SLC20A2: variants seen among roughly 807,000 people sequenced by gnomAD.
SLC20A2 encodes the protein sodium-dependent phosphate transporter 2.
Under a neutral mutation model 61.0 loss-of-function variants are expected in SLC20A2, and 30 were observed. The observed-to-expected ratio is 0.49, with a 90% confidence interval of 0.37 to 0.67. The LOEUF (loss-of-function observed/expected upper bound fraction) is 0.67, where lower values mean the gene tolerates loss of function less well. Among genes scored for constraint, SLC20A2 ranks in the 30% least tolerant of loss-of-function variants. The probability of loss-of-function intolerance (pLI) is 0.00; values close to 1 mark genes in which losing one functional copy is unlikely to be tolerated. For missense variants in SLC20A2, 626 were observed against 866.4 expected (o/e 0.72, Z 3.48); for synonymous variants, 351 against 353.3 (o/e 0.99, Z 0.07).
chr8:42,535,235 T>C (rs1812627927), intron 1 of SLC20A2: 1 of 152,186 alleles, frequency 6.6e-6, no homozygotes, highest in Non-Finnish European at 1.5e-5. Context: ...TTTAGGAGGC[T>C]TCCTGTGGGA....
At chr8:42,528,623 C>T (rs970713438) in intron 1 of SLC20A2, among the ~76,000 whole-genome samples, 4 of 152,004 alleles carry the variant, frequency 2.6e-5, no homozygotes, top group African/African-American at 9.7e-5. Context: ...ACTTTCTGCA[C>T]GATCTTGGGT....
chr8:42,434,301 G>A (rs1238748340), intron 8 of SLC20A2, among the ~76,000 whole-genome samples: 4 of 152,176 alleles, frequency 2.6e-5, no homozygotes, highest in Non-Finnish European at 5.9e-5. Flanking sequence ...TGTCCAGGCT[G>A]GTCTTGAACG....
intron 1 of SLC20A2, among the ~76,000 whole-genome samples, chr8:42,491,499 C>T (rs1331382429): frequency 4.0e-5 from 6 of 148,262 alleles, no homozygotes; most frequent in Non-Finnish European, 1.5e-5. Flanking sequence ...AGTGAGACTT[C>T]GTCTCCAAAA....
Position 42,416,483 on chromosome 8 carries a change from G to T in SLC20A2, c.*1320C>A, listed in dbSNP as rs963612970. ...AGGCTTCAGAGGCAAACTTCTGAGGGGCATTTTTTATTATAAATTTAATAT... is the reference window on the plus strand; with the variant it reads ...AGGCTTCAGAGGCAAACTTCTGAGGTGCATTTTTTATTATAAATTTAATAT... On this transcript the variant is annotated 3_prime_UTR_variant, in exon 11 of 11. Transcript: ENST00000520262. 1.3e-5 allele frequency: 2 copies of T among 152,474 alleles called. No homozygotes were observed. Among genetic ancestry groups the T allele is most frequent in the Non-Finnish European group, 2.9e-5 (2 of 68,014 alleles). 9.4% of individuals were successfully genotyped at this position (152,474 alleles called of 1,614,324 possible).
chr8:42,494,629 T>A (rs556899184), intron 1 of SLC20A2, among the ~76,000 whole-genome samples: 2 of 152,350 alleles, frequency 1.3e-5, no homozygotes, highest in Non-Finnish European at 2.9e-5. Flanking sequence ...AACGCCATCA[T>A]TTCAAATGGC....
rs776949497 is a variant in SLC20A2 at position 42,437,534 on chromosome 8, G to A, written c.978C>T (p.Ile326=). 11 of 1,613,888 alleles carry A rather than the reference G, an allele frequency of 6.8e-6. No individual in the cohort carries two copies. In the Admixed American group the frequency reaches 1.3e-4, roughly 20 times the overall value. The stretch of plus-strand genomic sequence containing the variant: ...CGTCGAAGCCGAAGGTGCCGTTGGA[G>A]ATGGGCGATTTCACAGAGCCATGGG... ...SMTHGSVKSP[I]SNGTFGFDGH... is the part of the protein sequence containing the mutation. The change falls in exon 8 of 11, where the codon ATC becomes ATT. Residue 326 remains isoleucine, a synonymous_variant. Transcript: ENST00000520262. The surrounding 1 kb of genome is among the most constrained non-coding windows in gnomAD (Gnocchi z 6.4).
At chr8:42,526,469 C>T (rs370982151) in intron 1 of SLC20A2, among the ~76,000 whole-genome samples, 18 of 151,752 alleles carry the variant, frequency 1.2e-4, no homozygotes, top group Non-Finnish European at 1.5e-4. Context: ...GTCAGGAGAT[C>T]GAGACCCTCC....
intron 4 of SLC20A2, among the ~76,000 whole-genome samples, chr8:42,462,010 A>G (rs953815603): frequency 6.6e-6 from 1 of 152,190 alleles, no homozygotes; most frequent in Non-Finnish European, 1.5e-5. Flanking sequence ...ACCATATGAC[A>G]TGCTAAGTGC....
intron 10 of SLC20A2, among the ~76,000 whole-genome samples, chr8:42,418,772 G>A (rs1473929334): frequency 6.6e-6 from 1 of 151,782 alleles, no homozygotes; most frequent in African/African-American, 2.4e-5. Flanking sequence ...GCTGAGGTGG[G>A]CGGATCACGA....
chr8:42,510,146 AGTTTCCTCT>A (rs1219500835), intron 1 of SLC20A2, among the ~76,000 whole-genome samples: 6 of 152,242 alleles, frequency 3.9e-5, no homozygotes, highest in Non-Finnish European at 7.3e-5. Flanking sequence ...TATTAAACTG[AGTTTCCTCT>A]GTTTTTAAAA....
At chr8:42,500,317 T>C (rs1810239528) in intron 1 of SLC20A2, among the ~76,000 whole-genome samples, 1 of 152,220 alleles carries the variant, frequency 6.6e-6, no homozygotes, top group South Asian at 2.1e-4. Flanking sequence ...TTTAAAATAT[T>C]CAATATCAAA....
intron 1 of SLC20A2, chr8:42,538,108 T>C (rs1812822275): frequency 6.6e-6 from 1 of 152,076 alleles, no homozygotes; most frequent in Non-Finnish European, 1.5e-5. Context: ...TTCACATGTG[T>C]ACACTAGGTT....
intron 1 of SLC20A2, among the ~76,000 whole-genome samples, chr8:42,533,673 T>C (rs1470661528): frequency 7.2e-6 from 1 of 139,068 alleles, no homozygotes; most frequent in East Asian, 2.1e-4. Context: ...TTTTTTTTTT[T>C]TTTGAGACGG....
intron 10 of SLC20A2, among the ~76,000 whole-genome samples, chr8:42,421,429 T>C (rs1803029295): frequency 6.6e-6 from 1 of 152,234 alleles, no homozygotes; most frequent in African/African-American, 2.4e-5. Context: ...TCTAATTGGC[T>C]ATTGCTGATG....
At position 42,472,272 on chromosome 8, in the gene SLC20A2, C is replaced by T. The variant is rs1268071663; in HGVS notation, c.119G>A (p.Gly40Asp). The T allele has an allele frequency of 1.3e-5, 21 of 1,614,170 alleles. No homozygotes were observed. Among genetic ancestry groups the T allele is most frequent in the Admixed American group, 6.7e-5 (4 of 60,022 alleles). ...GCATGCCTGCCTCAAGGTCACCACA[C>T]CAGAGCCCACGGCTGTACCAAAGGA... The part of the protein sequence containing the change: ...ANSFGTAVGS[G>D]VVTLRQACIL... Residue 40 changes from glycine (G) to aspartate (D), a missense_variant, in exon 2 of 11, where the codon GGT becomes GAT. This residue lies in a region of SLC20A2 where 127 missense variants were observed against 215.4 expected (regional missense o/e 0.59). Coordinates refer to ENST00000520262, the MANE Select transcript of SLC20A2 (RefSeq NM_001257180.2). This position sits in a 1 kb window ranked among gnomAD's most constrained non-coding sequence, Gnocchi z 4.1.
At position 42,416,823 on chromosome 8, in the gene SLC20A2, G is replaced by A. The variant is rs551979624; in HGVS notation, c.*980C>T. 6 of 152,838 alleles carry A rather than the reference G, an allele frequency of 3.9e-5. No individual in the cohort carries two copies. The East Asian group carries it at 9.6e-4, about 25-fold the overall frequency. The allele number at this position is 152,838 out of a possible 1,614,324, so 9.5% of individuals were successfully genotyped here. A position where few individuals can be genotyped will look rare whatever the true frequency, so the allele number is the denominator to read the frequency against. ...CAAGGATCCGTTCTTCAGGCTGCAGGGAGAATTGGGATAGAAACTGACTCT... is the reference window on the plus strand; with the variant it reads ...CAAGGATCCGTTCTTCAGGCTGCAGAGAGAATTGGGATAGAAACTGACTCT... On this transcript the variant is annotated 3_prime_UTR_variant, in exon 11 of 11. Coordinates refer to ENST00000520262, the MANE Select transcript of SLC20A2 (RefSeq NM_001257180.2).
At chr8:42,435,403 G>A (rs1014793409) in intron 8 of SLC20A2, among the ~76,000 whole-genome samples, 2 of 152,180 alleles carry the variant, frequency 1.3e-5, no homozygotes, top group East Asian at 1.9e-4. Context: ...GACAGAAACC[G>A]AGCGAGTGGG....
intron 1 of SLC20A2, among the ~76,000 whole-genome samples, chr8:42,520,272 C>T (rs1283030475): frequency 1.3e-5 from 2 of 151,424 alleles, no homozygotes; most frequent in Non-Finnish European, 2.9e-5. Flanking sequence ...CCTCAGCCTC[C>T]CAAAGTGCTG....
chr8:42,533,021 C>T (rs1053213916), intron 1 of SLC20A2, among the ~76,000 whole-genome samples: 1 of 151,972 alleles, frequency 6.6e-6, no homozygotes, highest in Admixed American at 6.6e-5. Context: ...AAAGTGGGAC[C>T]AAGTGATAAA....
Sources: allele counts gnomAD v4.1 joint callset (sites outside exome capture counted in the v4.1 genomes callset), GRCh38; gene constraint gnomAD v4.1.1; regional missense constraint gnomAD v4.1.1; non-coding constraint Gnocchi (gnomAD v3.1); transcripts MANE v1.5; gene names NCBI Gene and HGNC (gene_info 2026-07-23, HGNC 2026-07-21).